MACROD1: variants seen among roughly 807,000 people sequenced by gnomAD.
MACROD1 encodes ADP-ribose glycohydrolase MACROD1.
In MACROD1, 31 loss-of-function variants were observed where a neutral mutation model predicts 41.4. That is an observed-to-expected ratio of 0.75 (90% CI 0.56 to 1.01). MACROD1 has a LOEUF of 1.01. Ranked by LOEUF, MACROD1 falls within the 50% of genes least tolerant of loss-of-function variation. MACROD1 has a pLI of 0.00. For missense variants in MACROD1, 473 were observed against 460.0 expected (o/e 1.03, Z -0.26); for synonymous variants, 252 against 203.4 (o/e 1.24, Z -2.03).
intron 3 of MACROD1, among the ~76,000 whole-genome samples, chr11:64,060,991 C>T (rs1168232109): frequency 1.3e-5 from 2 of 151,940 alleles, no homozygotes; most frequent in African/African-American, 4.8e-5. Context: ...GGCGGGCCGG[C>T]GTCGACCTTC....
chr11:64,029,448 C>T (rs750531715), intron 3 of MACROD1, among the ~76,000 whole-genome samples: 6 of 152,134 alleles, frequency 3.9e-5, no homozygotes, highest in African/African-American at 2.4e-5. Flanking sequence ...ACAGGGACCC[C>T]GTCCCCTGGC....
chr11:64,003,381 C>CTGAT (rs1942858931), intron 4 of MACROD1, among the ~76,000 whole-genome samples: 1 of 152,150 alleles, frequency 6.6e-6, no homozygotes, highest in Non-Finnish European at 1.5e-5. Flanking sequence ...CTATGCCCAG[C>CTGAT]TGATTTTTTG....
At chr11:64,095,866 G>C (rs1057390901) in intron 3 of MACROD1, among the ~76,000 whole-genome samples, 3 of 152,226 alleles carry the variant, frequency 2.0e-5, no homozygotes, top group African/African-American at 7.2e-5. Flanking sequence ...GCTGAGGGGA[G>C]GGTCTGGGGA....
intron 3 of MACROD1, among the ~76,000 whole-genome samples, chr11:64,115,000 C>T (rs1590929389): frequency 1.3e-5 from 2 of 152,134 alleles, no homozygotes; most frequent in African/African-American, 4.8e-5. Context: ...GTCCCTGGGG[C>T]ATGAAAATAA....
In MACROD1 at chr11:64,067,187, G is replaced by T. The variant is rs1274069219; in HGVS notation, c.518-51906C>A. ...CGGCCATACCCACCTGTAGGCACAT[G>T]CGGCTCCAAGGAGATGGCAGATGGG... is the stretch of plus-strand genomic sequence containing the variant. On this transcript the variant is annotated intron_variant, in intron 3 of 10. Transcript: ENST00000255681. This position sits in a 1 kb window ranked among gnomAD's most constrained non-coding sequence, Gnocchi z 4.6. Among the ~76,000 whole-genome samples, 4 of 152,168 alleles carry T rather than the reference G, an allele frequency of 2.6e-5. No individual in the cohort carries two copies. Among genetic ancestry groups the T allele is most frequent in the Non-Finnish European group, 5.9e-5 (4 of 68,014 alleles).
chr11:64,010,090 T>TTGGGGTGTTGGTTGGGGGGATGGC (rs1565192900), intron 4 of MACROD1, among the ~76,000 whole-genome samples: 1 of 71,296 alleles, frequency 1.4e-5, no homozygotes, highest in Admixed American at 1.3e-4. Flanking sequence ...AGGGTGTTGG[T>TTGGGGTGTTGGTTGGGGGGATGGC]TGGGGTGTTG....
intron 3 of MACROD1, among the ~76,000 whole-genome samples, chr11:64,074,542 G>A (rs1386928517): frequency 1.3e-5 from 2 of 152,208 alleles, no homozygotes; most frequent in East Asian, 1.9e-4. Flanking sequence ...AGCAAATAAC[G>A]TGTGGAGAAG....
rs939020785 is a variant in MACROD1 at position 64,096,415 on chromosome 11, CCT to C, written c.517+54822_517+54823del. On this transcript the variant is annotated intron_variant, in intron 3 of 10. Transcript: ENST00000255681. The surrounding 1 kb of genome is among the most constrained non-coding windows in gnomAD (Gnocchi z 4.6). Reference sequence around the variant, plus strand: ...GGCAGGCAAGTGGTCGTTCCTGTCCCCTCTTTTTTTTTTTTGAGACTGAGTCT... The same window carrying C: ...GGCAGGCAAGTGGTCGTTCCTGTCCCCTTTTTTTTTTTTGAGACTGAGTCT... Among the ~76,000 whole-genome samples, 2 of 151,798 alleles carry C rather than the reference CCT, an allele frequency of 1.3e-5. No individual in the cohort carries two copies. The highest frequency in any genetic ancestry group is 1.5e-5 in the Non-Finnish European group (1 of 67,874).
At position 64,157,554 on chromosome 11, in the gene MACROD1, T is replaced by C. The variant is rs143747954; in HGVS notation, c.299-5161A>G. Among the ~76,000 whole-genome samples the C allele has an allele frequency of 1.7e-4, 26 of 152,294 alleles. No individual in the cohort carries two copies. The East Asian group carries it at 3.3e-3, about 19-fold the overall frequency. ...AAGAGTATTTCACAGTTCAGTGAGA[T>C]AGGTGTTGTAAAAAGATGTCCGCAG... On this transcript the variant is annotated intron_variant, in intron 1 of 10. Transcript: ENST00000255681.
In MACROD1 at chr11:63,999,072, C is replaced by G. The variant is rs148317844; in HGVS notation, c.892-36G>C. The stretch of plus-strand genomic sequence containing the variant: ...GGCTGCTCAGCCTGGGCCGAGCTGC[C>G]ACGCCTGGCCCCAGGATCCTGTGAC... On this transcript the variant is annotated intron_variant, in intron 8 of 10. Transcript: ENST00000255681. 4,690 of 1,555,880 alleles carry G rather than the reference C, an allele frequency of 3.0e-3. 8 individuals are homozygous for G. The highest frequency in any genetic ancestry group is 3.8e-3 in the Non-Finnish European group (4,369 of 1,150,156).
intron 4 of MACROD1, among the ~76,000 whole-genome samples, chr11:64,005,603 C>T (rs983496579): frequency 1.3e-5 from 2 of 152,314 alleles, no homozygotes; most frequent in East Asian, 1.9e-4. Context: ...TCTCAGGTGC[C>T]GAGTCTCATA....
At position 64,000,078 on chromosome 11, in the gene MACROD1, G is replaced by C. The variant is rs146138734; in HGVS notation, c.664+149C>G. 257 of 660,050 alleles carry C rather than the reference G, an allele frequency of 3.9e-4. 1 individual carries two copies. Among genetic ancestry groups the C allele is most frequent in the Admixed American group, 7.2e-4 (25 of 34,516 alleles). 40.9% of individuals were successfully genotyped at this position (660,050 alleles called of 1,614,324 possible). ...CCCCCATGTGCTTCCTGGGGTGTGC[G>C]GGGTGGGGGCCGGGTCTTGGCCCTT... On this transcript the variant is annotated intron_variant, in intron 5 of 10. Transcript: ENST00000255681.
chr11:64,153,075 C>G (rs936308101), intron 1 of MACROD1, among the ~76,000 whole-genome samples: 1 of 151,280 alleles, frequency 6.6e-6, no homozygotes, highest in African/African-American at 2.4e-5. Context: ...CCAGGCACCC[C>G]CCACCCGCTC....
In MACROD1 at chr11:64,065,511, C is replaced by T. The variant is rs1163698295; in HGVS notation, c.518-50230G>A. ...AGGACTTAAAAGATGAACAAGGGGC[C>T]AGGCGCGGTGGCTCATGCCTGTAAT... On this transcript the variant is annotated intron_variant, in intron 3 of 10. Transcript: ENST00000255681. Among the ~76,000 whole-genome samples the T allele has an allele frequency of 7.2e-5, 11 of 152,166 alleles. No homozygotes were observed. In the South Asian group the frequency reaches 1.9e-3, roughly 26 times the overall value.
rs1415556304 is a variant in MACROD1 at position 64,064,427 on chromosome 11, CT to C, written c.518-49147del. Among the ~76,000 whole-genome samples, 1 of 152,284 alleles carries C rather than the reference CT, an allele frequency of 6.6e-6. No individual in the cohort carries two copies. Among genetic ancestry groups the C allele is most frequent in the Admixed American group, 6.5e-5 (1 of 15,290 alleles). ...GGCCAGTGCCGGGACTCCAGCTCCT[CT>C]GGGCACTGGGCAGGCAATCTCTGTT... On this transcript the variant is annotated intron_variant, in intron 3 of 10. Coordinates refer to ENST00000255681, the MANE Select transcript of MACROD1 (RefSeq NM_014067.4). The surrounding 1 kb of genome is among the most constrained non-coding windows in gnomAD (Gnocchi z 4.5).
chr11:64,037,789 C>G (rs576803538), intron 3 of MACROD1, among the ~76,000 whole-genome samples: 1 of 152,360 alleles, frequency 6.6e-6, no homozygotes, highest in South Asian at 2.1e-4. Context: ...TGGACTTCAC[C>G]TAGACCTGGG....
rs1944115257 is a variant in MACROD1, at chr11:64,071,957, G to T, written c.518-56676C>A. On this transcript the variant is annotated intron_variant, in intron 3 of 10. Transcript: ENST00000255681. ...GGTCCCGGCTCTGCAGTCTGGAGAGGCCTCAGCTGCCGAGGGGAACGGGCT... is the reference window on the plus strand; with the variant it reads ...GGTCCCGGCTCTGCAGTCTGGAGAGTCCTCAGCTGCCGAGGGGAACGGGCT... Among the ~76,000 whole-genome samples the T allele has an allele frequency of 2.6e-5, 4 of 152,318 alleles. No homozygotes were observed. The South Asian group carries it at 8.3e-4, about 32-fold the overall frequency.
intron 3 of MACROD1, among the ~76,000 whole-genome samples, chr11:64,044,315 A>C (rs1349818395): frequency 6.7e-6 from 1 of 148,850 alleles, no homozygotes; most frequent in Admixed American, 6.8e-5. Context: ...GCAGTGGTGC[A>C]ATCATAGCTC....
intron 4 of MACROD1, among the ~76,000 whole-genome samples, chr11:64,010,115 TG>T (rs1942979894): frequency 1.9e-5 from 1 of 52,870 alleles, no homozygotes; most frequent in African/African-American, 7.9e-5. Flanking sequence ...GGGGGTTGGC[TG>T]GGGTGTTGGT....
Sources: allele counts gnomAD v4.1 joint callset (sites outside exome capture counted in the v4.1 genomes callset), GRCh38; gene constraint gnomAD v4.1.1; non-coding constraint Gnocchi (gnomAD v3.1); transcripts MANE v1.5; gene names NCBI Gene and HGNC (gene_info 2026-07-23, HGNC 2026-07-21).